The following MAP3K19 variants were observed in gnomAD, a reference collection of about 807,000 sequenced individuals.
The protein encoded by MAP3K19 is mitogen-activated protein kinase kinase kinase 19, also known as SPS1/STE20-related protein kinase YSK4.
A neutral mutation model predicts 114.4 loss-of-function variants in MAP3K19; 91 were observed. That is an observed-to-expected ratio of 0.80 (90% CI 0.67 to 0.95). The LOEUF is 0.95. MAP3K19 is among the 40% of genes least tolerant of loss of function. The probability of loss-of-function intolerance (pLI) is 0.00; values close to 1 mark genes in which losing one functional copy is unlikely to be tolerated. For missense variants in MAP3K19, 1,471 were observed against 1,573.2 expected, an observed-to-expected ratio of 0.94 and a Z score of 1.10; for synonymous variants, 518 against 530.5, an observed-to-expected ratio of 0.98 and a Z score of 0.32.
In MAP3K19 at chr2:134,985,829, C is replaced by G; in HGVS notation, c.3043G>C (p.Gly1015Arg). Reference protein sequence around the residue: ...RWRGSTPKEMGRETTKVKIQR... With the variant: ...RWRGSTPKEMRRETTKVKIQR... ...ATTTTGACTTTTGTTGTCTCTCTGC[C>G]CATTTCTTTTGGGGTACTTCCTCTC... Residue 1015 changes from glycine (G) to arginine (R), a missense_variant, in exon 10 of 13, where the codon GGC becomes CGC. Gly to Arg is a moderately radical substitution (Grantham distance 125). Coordinates refer to ENST00000392915, the MANE Select transcript of MAP3K19 (RefSeq NM_025052.5). 6.2e-7 allele frequency: 1 copy of G among 1,610,428 alleles called. No individual in the cohort carries two copies. Among genetic ancestry groups the G allele is most frequent in the Non-Finnish European group, 8.5e-7 (1 of 1,178,840 alleles).
chr2:134,983,379 T>TATA (rs780599946), intron 11 of MAP3K19: 1 of 599,326 alleles, frequency 1.7e-6, no homozygotes, highest in Non-Finnish European at 3.3e-6. Context: ...AGTCACTATA[T>TATA]GTGCCTGAGA....
At position 134,981,270 on chromosome 2, in the gene MAP3K19, T is replaced by C; in HGVS notation, c.3471A>G (p.Pro1157=). Residue 1157 remains proline, a synonymous_variant, in exon 12 of 13, where the codon CCA becomes CCG. Coordinates refer to ENST00000392915, the MANE Select transcript of MAP3K19 (RefSeq NM_025052.5). ...SISSIINRFG[P]LPEMVFCKYT... The stretch of plus-strand genomic sequence containing the variant: ...ATTTACAGAACACCATCTCAGGCAA[T>C]GGCCCAAAACGGTTTATAATACTAG... The C allele has an allele frequency of 6.2e-7, 1 of 1,614,228 alleles. No individual in the cohort carries two copies. The highest frequency in any genetic ancestry group is 8.5e-7 in the Non-Finnish European group (1 of 1,180,044).
At chr2:134,971,077 T>C (rs1276698837) in intron 12 of MAP3K19, among the ~76,000 whole-genome samples, 1 of 152,206 alleles carries the variant, frequency 6.6e-6, no homozygotes, top group Non-Finnish European at 1.5e-5. Flanking sequence ...GCCTATTATA[T>C]TGAGGTATGT....
At chr2:134,981,880 CTTTTTTT>C (rs567597251) in intron 11 of MAP3K19, among the ~76,000 whole-genome samples, 56 of 124,502 alleles carry the variant, frequency 4.5e-4, no homozygotes, top group Middle Eastern at 4.5e-3. Flanking sequence ...GATTTCTTTT[CTTTTTTT>C]TTTTTTTTTT....
intron 12 of MAP3K19, among the ~76,000 whole-genome samples, chr2:134,968,709 A>G (rs1414963725): frequency 7.0e-6 from 1 of 142,972 alleles, no homozygotes; most frequent in East Asian, 2.2e-4. Context: ...TACATCCCAG[A>G]TGGGGCGGCA....
intron 8 of MAP3K19, among the ~76,000 whole-genome samples, chr2:134,994,569 CA>C (rs1393450467): frequency 1.4e-4 from 22 of 152,216 alleles, no homozygotes; most frequent in African/African-American, 5.3e-4. Context: ...AGAGTCTACA[CA>C]CTGAAATATG....
intron 8 of MAP3K19, among the ~76,000 whole-genome samples, chr2:134,995,138 C>A (rs1685887039): frequency 6.6e-6 from 1 of 151,804 alleles, no homozygotes; most frequent in African/African-American, 2.4e-5. Flanking sequence ...ATAGTAAGAC[C>A]CCATCGCTAC....
chr2:134,968,751 G>GGGC (rs1250449611), intron 12 of MAP3K19, among the ~76,000 whole-genome samples: 2 of 150,456 alleles, frequency 1.3e-5, no homozygotes, highest in Non-Finnish European at 3.0e-5. Flanking sequence ...CTCAGACGAT[G>GGGC]GGCGGCCGGG....
At chr2:135,028,625 G>A (rs1368443842) in intron 3 of MAP3K19, among the ~76,000 whole-genome samples, 2 of 151,882 alleles carry the variant, frequency 1.3e-5, no homozygotes, top group Admixed American at 6.6e-5. Flanking sequence ...AATGGAGGGA[G>A]GCATATGAAT....
intron 6 of MAP3K19, among the ~76,000 whole-genome samples, chr2:135,000,850 G>C (rs749936965): frequency 1.3e-5 from 2 of 152,126 alleles, no homozygotes; most frequent in Non-Finnish European, 2.9e-5. Flanking sequence ...GTGCCTGGAG[G>C]AGCAATGGCT....
chr2:135,004,216 CA>C (rs1363699223), intron 6 of MAP3K19, among the ~76,000 whole-genome samples: 6 of 152,188 alleles, frequency 3.9e-5, no homozygotes, highest in Admixed American at 3.3e-4. Flanking sequence ...CTTGGGACAC[CA>C]TTAGGCTTCT....
chr2:134,991,083 C>T (rs932769487), intron 9 of MAP3K19, among the ~76,000 whole-genome samples: 6 of 151,752 alleles, frequency 4.0e-5, no homozygotes, highest in South Asian at 4.2e-4. Context: ...GGGCGGATCA[C>T]GAGGTCAGGA....
At chr2:135,044,450 C>T (rs7601683) in intron 1 of MAP3K19, among the ~76,000 whole-genome samples, 40,179 of 151,878 alleles carry the variant, frequency 0.26, 7,143 homozygotes, top group African/African-American at 0.48. Flanking sequence ...ATTAGCCAGG[C>T]ATGGTGGTGC....
At chr2:135,018,987 A>ATTGCTTGGGAATTTGCTTGG (rs1687783985) in intron 5 of MAP3K19, among the ~76,000 whole-genome samples, 1 of 152,058 alleles carries the variant, frequency 6.6e-6, no homozygotes, top group Non-Finnish European at 1.5e-5. Flanking sequence ...CAGGAGGCAG[A>ATTGCTTGGGAATTTGCTTGG]GACGGGAAAA....
Position 134,981,364 on chromosome 2 carries a change from T to C in MAP3K19, c.3377A>G (p.Tyr1126Cys), listed in dbSNP as rs1464154089. Reference protein sequence around the residue: ...KALKHVNIVAYLGTCLQENTV... With the variant: ...KALKHVNIVACLGTCLQENTV... Reference sequence around the variant, plus strand: ...GTTCTCTTGCAAGCATGTCCCCAAATAGGCCACAATGTTGACATGTTTCAG... The same window carrying C: ...GTTCTCTTGCAAGCATGTCCCCAAACAGGCCACAATGTTGACATGTTTCAG... Residue 1126 changes from tyrosine (Y) to cysteine (C), a missense_variant, in exon 12 of 13, where the codon TAT (tyrosine) becomes TGT (cysteine). Coordinates refer to ENST00000392915, the MANE Select transcript of MAP3K19 (RefSeq NM_025052.5). 2 of 1,614,186 alleles carry C rather than the reference T, an allele frequency of 1.2e-6. No homozygotes were observed. The highest frequency in any genetic ancestry group is 1.7e-6 in the Non-Finnish European group (2 of 1,180,036).
At chr2:135,021,927 G>C (rs1278565981) in intron 4 of MAP3K19, 97 bp from the exon 5 acceptor site, 1 of 693,838 alleles carries the variant, frequency 1.4e-6, no homozygotes, top group African/African-American at 1.8e-5. Flanking sequence ...GCTCCATTTT[G>C]TCAAAGATTT....
At chr2:134,990,909 C>T (rs556290049) in intron 9 of MAP3K19, among the ~76,000 whole-genome samples, 1 of 152,284 alleles carries the variant, frequency 6.6e-6, no homozygotes, top group East Asian at 1.9e-4. Flanking sequence ...CAGTAGGCTA[C>T]TGCAGCCATG....
chr2:135,025,632 TGCCTCG>T (rs1688232388), intron 3 of MAP3K19, among the ~76,000 whole-genome samples: 2 of 152,026 alleles, frequency 1.3e-5, no homozygotes, highest in Non-Finnish European at 2.9e-5. Context: ...GTGATCTGCC[TGCCTCG>T]GCCTCCCAAA....
At chr2:134,966,201 T>C (rs528171252) in intron 12 of MAP3K19, among the ~76,000 whole-genome samples, 1 of 152,224 alleles carries the variant, frequency 6.6e-6, no homozygotes, top group Non-Finnish European at 1.5e-5. Flanking sequence ...AGGATGCAGG[T>C]ATCCCTTAGA....
Sources: gnomAD v4.1 joint callset for allele counts (sites outside exome capture counted in the v4.1 genomes callset) on GRCh38, gnomAD v4.1.1 for gene constraint, MANE v1.5 for transcripts, NCBI Gene and HGNC (gene_info 2026-07-23, HGNC 2026-07-21) for gene names.